ICA1L: variants seen among roughly 807,000 people sequenced by gnomAD.
ICA1L encodes the protein islet cell autoantigen 1 like.
In ICA1L, 50 loss-of-function variants were observed where a neutral mutation model predicts 61.3. The ratio of observed to expected loss-of-function variants is 0.82; its 90% confidence interval spans 0.65 to 1.03. The LOEUF (loss-of-function observed/expected upper bound fraction) is 1.03. Ranked by LOEUF, ICA1L falls within the 50% of genes least tolerant of loss-of-function variation. The pLI is 0.00. For synonymous variants in ICA1L, 161 were observed against 191.3 expected (o/e 0.84, Z 1.31); for missense variants, 508 against 556.7 (o/e 0.91, Z 0.88).
Position 202,774,344 on chromosome 2 carries a change from C to CCG in ICA1L, c.*5187_*5188dup. 7.2e-7 allele frequency: 1 copy of CCG among 1,383,688 alleles called. No homozygotes were observed. Among genetic ancestry groups the CCG allele is most frequent in the East Asian group, 3.0e-5 (1 of 32,834 alleles). 85.7% of individuals were successfully genotyped at this position (1,383,688 alleles called of 1,614,324 possible). On this transcript the variant is annotated 3_prime_UTR_variant, in exon 13 of 13. Coordinates refer to ENST00000358299, the MANE Select transcript of ICA1L (RefSeq NM_001288622.3). ...TCCCCGCAGCGCTGAGGCGAGCCTG[C>CCG]CGCGCGCTCCGCTCAGCGTGGTCTG...
intron 10 of ICA1L, among the ~76,000 whole-genome samples, chr2:202,794,345 C>CAAAAAAAAA (rs202022262): frequency 2.2e-5 from 2 of 90,956 alleles, no homozygotes; most frequent in African/African-American, 9.1e-5. Flanking sequence ...GACTCCATCT[C>CAAAAAAAAA]AAAAAAAAAA....
intron 1 of ICA1L, among the ~76,000 whole-genome samples, chr2:202,839,225 G>A (rs1694242414): frequency 6.6e-6 from 1 of 152,128 alleles, no homozygotes; most frequent in Non-Finnish European, 1.5e-5. Context: ...TCTTGGCTGG[G>A]CGCGGTGGCT....
Position 202,774,005 on chromosome 2 carries a change from T to C in ICA1L, c.*5528A>G, listed in dbSNP as rs1692135751. ...ATGGTACTAAGAAGAGTTGGCTGTT[T>C]TATTTTTTTAAATTATGAACTAGCG... On this transcript the variant is annotated 3_prime_UTR_variant, in exon 13 of 13. Coordinates refer to ENST00000358299, the MANE Select transcript of ICA1L (RefSeq NM_001288622.3). 1 of 899,602 alleles carries C rather than the reference T, an allele frequency of 1.1e-6. No homozygotes were observed. The highest frequency in any genetic ancestry group is 1.7e-6 in the Non-Finnish European group (1 of 586,044). 55.7% of individuals were successfully genotyped at this position (899,602 alleles called of 1,614,324 possible). A position where few individuals can be genotyped will look rare whatever the true frequency, so the allele number is the denominator to read the frequency against.
chr2:202,853,710 G>A (rs1427844796), intron 1 of ICA1L, among the ~76,000 whole-genome samples: 2 of 151,958 alleles, frequency 1.3e-5, no homozygotes, highest in African/African-American at 4.8e-5. Flanking sequence ...AACACACACT[G>A]CTCAAAAGAA....
chr2:202,821,517 T>C, intron 3 of ICA1L, 36 bp from the exon 4 acceptor site: 1 of 1,492,256 alleles, frequency 6.7e-7, no homozygotes, highest in Non-Finnish European at 9.1e-7. Flanking sequence ...AATTGTTTCC[T>C]TTCATCATTT....
At chr2:202,784,342 G>T (rs1334175139) in intron 12 of ICA1L, among the ~76,000 whole-genome samples, 1 of 152,168 alleles carries the variant, frequency 6.6e-6, no homozygotes, top group East Asian at 1.9e-4. Context: ...CTACTTAGGA[G>T]GCTGAGGCAG....
intron 10 of ICA1L, among the ~76,000 whole-genome samples, chr2:202,795,446 T>G (rs1692896644): frequency 6.6e-6 from 1 of 152,018 alleles, no homozygotes; most frequent in South Asian, 2.1e-4. Flanking sequence ...AAATACAAAA[T>G]TAGCCAGGCA....
At chr2:202,784,823 T>C (rs138926699) in intron 12 of ICA1L, among the ~76,000 whole-genome samples, 11 of 152,316 alleles carry the variant, frequency 7.2e-5, no homozygotes, top group African/African-American at 2.6e-4. Flanking sequence ...GAAGGGGTTG[T>C]TGAACGGGCA....
At chr2:202,808,923 T>A (rs1693300812) in intron 9 of ICA1L, among the ~76,000 whole-genome samples, 2 of 152,104 alleles carry the variant, frequency 1.3e-5, no homozygotes, top group African/African-American at 4.8e-5. Context: ...GAAGGACAGG[T>A]ACAAACAAGC....
chr2:202,869,061 A>T (rs1402672137), intron 1 of ICA1L, among the ~76,000 whole-genome samples: 2 of 151,610 alleles, frequency 1.3e-5, no homozygotes, highest in Non-Finnish European at 2.9e-5. Flanking sequence ...ATCAATTTTT[A>T]AAATAATACT....
chr2:202,782,368 ACAT>A (rs1003901121), intron 12 of ICA1L, among the ~76,000 whole-genome samples: 1 of 150,964 alleles, frequency 6.6e-6, no homozygotes. Context: ...CAAAAACAAA[ACAT>A]CAATTTTATT....
intron 1 of ICA1L, among the ~76,000 whole-genome samples, chr2:202,847,321 G>A (rs1327508981): frequency 6.6e-6 from 1 of 152,152 alleles, no homozygotes; most frequent in Non-Finnish European, 1.5e-5. Context: ...TAAGTGGGAA[G>A]GTTACACATT....
At chr2:202,782,276 C>T (rs1419593903) in intron 12 of ICA1L, among the ~76,000 whole-genome samples, 3 of 152,000 alleles carry the variant, frequency 2.0e-5, no homozygotes, top group Admixed American at 6.6e-5. Flanking sequence ...ACCCGGGAGG[C>T]GGAGGTTACA....
chr2:202,781,960 A>G (rs554240048), intron 12 of ICA1L, among the ~76,000 whole-genome samples: 2 of 152,328 alleles, frequency 1.3e-5, no homozygotes, highest in African/African-American at 4.8e-5. Flanking sequence ...TGTAATAGGT[A>G]GGTCTTGAAT....
At chr2:202,833,253 C>T (rs1475112713) in intron 1 of ICA1L, among the ~76,000 whole-genome samples, 2 of 152,122 alleles carry the variant, frequency 1.3e-5, no homozygotes, top group African/African-American at 4.8e-5. Flanking sequence ...AACCTGTTGA[C>T]CCCTAATTCC....
intron 1 of ICA1L, among the ~76,000 whole-genome samples, chr2:202,836,810 T>TATATAGATATATAGATATAG (rs1694162648): frequency 1.3e-5 from 2 of 148,398 alleles, no homozygotes; most frequent in African/African-American, 4.9e-5. Flanking sequence ...TATATAGATA[T>TATATAGATATATAGATATAG]ATATAGATAT....
Position 202,811,677 on chromosome 2 carries a change from A to AG in ICA1L, c.910+68_910+69insC, listed in dbSNP as rs1239142856. ...ACTGTCTCAAAAAAAAAAAAAAAAAAAAGGCTGTGATAAACTATTTTGACA... is the reference window on the plus strand; with the variant it reads ...ACTGTCTCAAAAAAAAAAAAAAAAAAGAAGGCTGTGATAAACTATTTTGACA... On this transcript the variant is annotated intron_variant, in intron 9 of 12. Transcript: ENST00000358299. 9 of 1,052,424 alleles carry AG rather than the reference A, an allele frequency of 8.6e-6. No individual in the cohort carries two copies. In the Admixed American group the frequency reaches 1.3e-4, roughly 15 times the overall value. 65.2% of individuals were successfully genotyped at this position (1,052,424 alleles called of 1,614,324 possible).
Position 202,802,504 on chromosome 2 carries a change from T to G in ICA1L, c.911-5540A>C, listed in dbSNP as rs559053952. 5.9e-5 allele frequency among the ~76,000 whole-genome samples: 9 copies of G among 152,106 alleles called. No homozygotes were observed. In the South Asian group the frequency reaches 1.7e-3, roughly 28 times the overall value. On this transcript the variant is annotated intron_variant, in intron 9 of 12. Coordinates refer to ENST00000358299, the MANE Select transcript of ICA1L (RefSeq NM_001288622.3). The stretch of plus-strand genomic sequence containing the variant: ...GCACAAATAAAAGAAATACAATTTA[T>G]ACCAGCAAAAATTAAAAAATAAAAA...
Position 202,786,004 on chromosome 2 carries a change from C to G in ICA1L, c.1247G>C (p.Trp416Ser). The stretch of plus-strand genomic sequence containing the variant: ...AAGTTCTGATTCCTCTTGGGAGACC[C>G]AGTCTGGGATAAAAGAAGTAAAAAT... ...GFHVAGAFNN[W>S]VSQEESELCL... Residue 416 changes from tryptophan (W) to serine (S), a missense_variant, in exon 12 of 13, where the codon TGG becomes TCG. Trp to Ser is a radical substitution (Grantham distance 177). Transcript: ENST00000358299. The G allele has an allele frequency of 6.3e-7, 1 of 1,591,604 alleles. No homozygotes were observed.
Sources: allele counts gnomAD v4.1 joint callset (sites outside exome capture counted in the v4.1 genomes callset), GRCh38; gene constraint gnomAD v4.1.1; transcripts MANE v1.5; gene names NCBI Gene and HGNC (gene_info 2026-07-23, HGNC 2026-07-21).